The following SGCD variants were observed in gnomAD, a reference collection of about 807,000 sequenced individuals.
SGCD encodes sarcoglycan delta.
In SGCD, 18 loss-of-function variants were observed where a neutral mutation model predicts 36.6. The observed-to-expected ratio is 0.49, with a 90% CI of 0.34 to 0.73. The LOEUF (loss-of-function observed/expected upper bound fraction) is 0.73, where lower values mean the gene tolerates loss of function less well. Ranked by LOEUF, SGCD falls within the 30% of genes least tolerant of loss-of-function variation. SGCD has a pLI of 0.01. For synonymous variants in SGCD, 133 were observed against 130.6 expected (o/e 1.02, Z -0.12); for missense variants, 387 against 346.7 (o/e 1.12, Z -0.92).
intron 3 of SGCD, among the ~76,000 whole-genome samples, chr5:156,454,283 G>A (rs1299968074): frequency 1.3e-5 from 2 of 152,082 alleles, no homozygotes; most frequent in African/African-American, 2.4e-5. Context: ...ATCAGTGAGG[G>A]TCCAATCATG....
chr5:156,025,047 A>AAT (rs1211257616), intron 1 of SGCD, among the ~76,000 whole-genome samples: 1 of 152,140 alleles, frequency 6.6e-6, no homozygotes, highest in African/African-American at 2.4e-5. Flanking sequence ...GGAGTAACAA[A>AAT]TTATTTTCCA....
intron 1 of SGCD, among the ~76,000 whole-genome samples, chr5:155,966,835 C>T (rs1020188429): frequency 5.3e-5 from 8 of 152,008 alleles, no homozygotes; most frequent in South Asian, 2.1e-4. Flanking sequence ...TAATGAACTT[C>T]GTATGGTTCC....
chr5:156,762,955 C>T lies in SGCD; in HGVS notation c.*3565C>T, dbSNP rs1757524283. ...AAAGTCTTTCAGGAAGGAAGCCCTT[C>T]CTTATGTTACATGTGGAAAGCCTGC... On this transcript the variant is annotated 3_prime_UTR_variant, in exon 9 of 9. Transcript: ENST00000337851. The T allele has an allele frequency of 6.6e-6, 1 of 152,200 alleles. No individual in the cohort carries two copies. The highest frequency in any genetic ancestry group is 2.4e-5 in the African/African-American group (1 of 41,412). 9.4% of individuals were successfully genotyped at this position (152,200 alleles called of 1,614,324 possible). A position where few individuals can be genotyped will look rare whatever the true frequency, so the allele number is the denominator to read the frequency against.
intron 4 of SGCD, among the ~76,000 whole-genome samples, chr5:156,582,459 C>G (rs1278873636): frequency 2.6e-5 from 4 of 152,158 alleles, no homozygotes; most frequent in African/African-American, 9.7e-5. Flanking sequence ...ACATCTGCCT[C>G]TTTACACACC....
the SGCD span, among the ~76,000 whole-genome samples, chr5:155,834,692 C>T: frequency 1.3e-5 from 2 of 152,074 alleles, no homozygotes; most frequent in African/African-American, 2.4e-5. Context: ...TTTTCTTCTT[C>T]GTGACAAGAA....
intron 3 of SGCD, among the ~76,000 whole-genome samples, chr5:156,321,178 G>A (rs1236826308): frequency 6.6e-6 from 1 of 152,202 alleles, no homozygotes; most frequent in Non-Finnish European, 1.5e-5. Flanking sequence ...CCAGCACTTT[G>A]GGAGACCAAG....
chr5:156,413,981 A>G (rs901222336), intron 3 of SGCD, among the ~76,000 whole-genome samples: 25 of 152,304 alleles, frequency 1.6e-4, no homozygotes, highest in African/African-American at 6.0e-4. Context: ...GAAGAGATAA[A>G]ACTAACTCAT....
At chr5:156,746,731 A>G (rs920651728) in intron 7 of SGCD, among the ~76,000 whole-genome samples, 2 of 152,236 alleles carry the variant, frequency 1.3e-5, no homozygotes, top group Non-Finnish European at 2.9e-5. Context: ...TCATAAATTT[A>G]AGCATAAATG....
chr5:155,787,509 G>A, the SGCD span, among the ~76,000 whole-genome samples: 1 of 152,144 alleles, frequency 6.6e-6, no homozygotes, highest in African/African-American at 2.4e-5. Context: ...AAGGGAATCA[G>A]CTCGAGGGAC....
chr5:156,155,816 C>T (rs1762948110), intron 3 of SGCD, among the ~76,000 whole-genome samples: 1 of 151,540 alleles, frequency 6.6e-6, no homozygotes, highest in African/African-American at 2.4e-5. Flanking sequence ...CAGTGGGCTT[C>T]CTGCCAAGGC....
At chr5:156,216,182 C>T (rs543627579) in intron 3 of SGCD, among the ~76,000 whole-genome samples, 13 of 151,714 alleles carry the variant, frequency 8.6e-5, no homozygotes, top group African/African-American at 3.2e-4. Flanking sequence ...AGAGAGTAGT[C>T]GAGGAAATGT....
intron 3 of SGCD, among the ~76,000 whole-genome samples, chr5:156,413,308 C>G (rs1048884255): frequency 6.6e-6 from 1 of 152,110 alleles, no homozygotes; most frequent in Non-Finnish European, 1.5e-5. Flanking sequence ...CTGAGATGCA[C>G]GAGATGAGAA....
At chr5:155,990,740 A>G (rs902288682) in intron 1 of SGCD, among the ~76,000 whole-genome samples, 12 of 152,174 alleles carry the variant, frequency 7.9e-5, no homozygotes, top group Non-Finnish European at 1.5e-4. Flanking sequence ...CATGCATCAC[A>G]TTATTTAATT....
At chr5:155,989,076 A>G (rs930537905) in intron 1 of SGCD, among the ~76,000 whole-genome samples, 1 of 152,146 alleles carries the variant, frequency 6.6e-6, no homozygotes, top group Non-Finnish European at 1.5e-5. Flanking sequence ...ACTTTCGTCA[A>G]TTTTGTTGAT....
At chr5:155,903,079 C>T (rs903820385) in intron 1 of SGCD, among the ~76,000 whole-genome samples, 4 of 152,146 alleles carry the variant, frequency 2.6e-5, no homozygotes, top group Admixed American at 2.0e-4. Context: ...ATTTTTCTTA[C>T]AATCTGATTT....
intron 3 of SGCD, among the ~76,000 whole-genome samples, chr5:156,482,520 A>G (rs1346235397): frequency 2.0e-5 from 3 of 152,152 alleles, no homozygotes; most frequent in Non-Finnish European, 4.4e-5. Flanking sequence ...ATTTTTTTAA[A>G]TCTCAAAAAT....
chr5:156,296,269 A>G (rs377423395), intron 3 of SGCD, among the ~76,000 whole-genome samples: 1 of 152,188 alleles, frequency 6.6e-6, no homozygotes, highest in African/African-American at 2.4e-5. Flanking sequence ...AGATATCTCT[A>G]TCAATCACCT....
intron 1 of SGCD, among the ~76,000 whole-genome samples, chr5:156,111,073 G>T (rs2127599365): frequency 6.6e-6 from 1 of 152,144 alleles, no homozygotes; most frequent in Middle Eastern, 3.4e-3. Context: ...AACATCCATG[G>T]GCAGATGGAC....
chr5:156,325,170 G>A (rs1256708730), upstream of SGCD, among the ~76,000 whole-genome samples: 1 of 152,032 alleles, frequency 6.6e-6, no homozygotes, highest in African/African-American at 2.4e-5. Context: ...TAAATGGAAA[G>A]TAGCGGTATA....
Sources: allele counts gnomAD v4.1 joint callset (sites outside exome capture counted in the v4.1 genomes callset), GRCh38; gene constraint gnomAD v4.1.1; transcripts MANE v1.5; gene names NCBI Gene and HGNC (gene_info 2026-07-23, HGNC 2026-07-21).